The following CD180 variants were observed in gnomAD, a reference collection of about 807,000 sequenced individuals.
CD180 encodes the protein CD180 antigen.
CD180 carries 11 observed loss-of-function variants against 10.7 expected under a neutral mutation model. The ratio of observed to expected loss-of-function variants is 1.03; its 90% CI spans 0.65 to 1.70. CD180 has a LOEUF of 1.70. CD180 is among the 40% of genes most tolerant of loss of function. The pLI is 0.00. For synonymous variants in CD180, 286 were observed against 294.6 expected, an observed-to-expected ratio of 0.97 and a Z score of 0.30; for missense variants, 729 against 775.2, an observed-to-expected ratio of 0.94 and a Z score of 0.71.
Position 67,183,970 on chromosome 5 carries a change from G to A in CD180, c.873C>T (p.Ser291=), listed in dbSNP as rs1319711283. 1 of 1,614,190 alleles carries A rather than the reference G, an allele frequency of 6.2e-7. No individual in the cohort carries two copies. The change falls in exon 3 of 3, where the codon TCC becomes TCT. Residue 291 remains serine (S), a synonymous_variant. Transcript: ENST00000256447. ...GTTGGGTGAAGCACTGAAATGTGGT[G>A]GATGAGATGTCAGAGAAGCGGTGTT... ...LQEHRFSDIS[S]TTFQCFTQLQ... is the part of the protein sequence containing the mutation.
At position 67,181,181 on chromosome 5, in the gene CD180, C is replaced by T. The variant is rs1742041908; in HGVS notation, c.*1676G>A. ...ACAAGACAAGAGAAACTAATTAAAA[C>T]AAATGAAGAAGTTAATTCCAAACAC... On this transcript the variant is annotated 3_prime_UTR_variant, in exon 3 of 3. Transcript: ENST00000256447. 1 of 151,972 alleles carries T rather than the reference C, an allele frequency of 6.6e-6. No homozygotes were observed. 9.4% of individuals were successfully genotyped at this position (151,972 alleles called of 1,614,324 possible).
At chr5:67,193,048 T>C (rs1388359520) in intron 1 of CD180, among the ~76,000 whole-genome samples, 1 of 152,186 alleles carries the variant, frequency 6.6e-6, no homozygotes, top group African/African-American at 2.4e-5. Context: ...TGGGAAAATT[T>C]CTCTCTATGG....
In CD180 at chr5:67,180,221, C is replaced by T. The variant is rs1376162177; in HGVS notation, c.*2636G>A. On this transcript the variant is annotated 3_prime_UTR_variant, in exon 3 of 3. Transcript: ENST00000256447. ...ATTATGCTTTGCTAAGGCCTGGGCC[C>T]CTTTCATTGTTAGTGTGATGTAATT... 1 of 152,196 alleles carries T rather than the reference C, an allele frequency of 6.6e-6. No individual in the cohort carries two copies. The highest frequency in any genetic ancestry group is 1.9e-4 in the East Asian group (1 of 5,200). 9.4% of individuals were successfully genotyped at this position (152,196 alleles called of 1,614,324 possible).
chr5:67,185,366 G>A (rs1742171084), intron 2 of CD180, among the ~76,000 whole-genome samples: 1 of 150,188 alleles, frequency 6.7e-6, no homozygotes, highest in African/African-American at 2.5e-5. Context: ...TTATTTTCTT[G>A]TAATACTTCT....
chr5:67,184,282 G>A lies in CD180; in HGVS notation c.561C>T (p.Tyr187=), dbSNP rs778936675. Residue 187 remains tyrosine (Y), a synonymous_variant, in exon 3 of 3, where the codon TAC becomes TAT. Coordinates refer to ENST00000256447, the MANE Select transcript of CD180 (RefSeq NM_005582.3). ...VLDFQNNAIH[Y]ISREDMRSLE... ...GAGACCTCATGTCTTCTCTAGAGAT[G>A]TAGTGTATAGCATTATTCTGAAAAT... The A allele has an allele frequency of 1.2e-6, 2 of 1,614,132 alleles. No individual in the cohort carries two copies. Among genetic ancestry groups the A allele is most frequent in the Non-Finnish European group, 1.7e-6 (2 of 1,179,978 alleles).
At chr5:67,190,834 A>T in intron 1 of CD180, 1 of 586,586 alleles carries the variant, frequency 1.7e-6, no homozygotes, top group Non-Finnish European at 2.1e-6. Context: ...CTTCTGCTGT[A>T]TATCTAACTC....
intron 1 of CD180, among the ~76,000 whole-genome samples, chr5:67,192,639 A>G (rs368405508): frequency 1.3e-5 from 2 of 152,072 alleles, no homozygotes; most frequent in Admixed American, 1.3e-4. Flanking sequence ...ACCAGATCTC[A>G]GGCTCAGGAG....
In CD180 at chr5:67,182,798, T is replaced by C. The variant is rs2230525; in HGVS notation, c.*59A>G. ...TCTGGTCACCAGCAGATGACAGTTCTTTCACTTAGAGCAATTTTGCTAAGC... is the reference window on the plus strand; with the variant it reads ...TCTGGTCACCAGCAGATGACAGTTCCTTCACTTAGAGCAATTTTGCTAAGC... On this transcript the variant is annotated 3_prime_UTR_variant, in exon 3 of 3. Coordinates refer to ENST00000256447, the MANE Select transcript of CD180 (RefSeq NM_005582.3). 161,505 of 1,425,166 alleles carry C rather than the reference T, an allele frequency of 0.11. 18,055 individuals carry two copies. The highest frequency in any genetic ancestry group is 0.54 in the African/African-American group (38,042 of 69,836). 88.3% of individuals were successfully genotyped at this position (1,425,166 alleles called of 1,614,324 possible).
At position 67,196,785 on chromosome 5, in the gene CD180, A is replaced by G. The variant is rs2151170123; in HGVS notation, c.-144T>C. On this transcript the variant is annotated 5_prime_UTR_variant, in exon 1 of 3. It removes an upstream start codon present in the reference 5' UTR. Coordinates refer to ENST00000256447, the MANE Select transcript of CD180 (RefSeq NM_005582.3). ...CAAGAAATGCTGTTGACTGCTCAGC[A>G]TTCTGTGGCTCTGTGCTGGAAAAAA... The G allele has an allele frequency of 1.7e-6, 1 of 585,826 alleles. No homozygotes were observed. The allele number at this position is 585,826 out of a possible 1,614,324, so 36.3% of individuals were successfully genotyped here. A position where few individuals can be genotyped will look rare whatever the true frequency, so the allele number is the denominator to read the frequency against.
chr5:67,184,032 G>T lies in CD180; in HGVS notation c.811C>A (p.Leu271Ile). 6.2e-7 allele frequency: 1 copy of T among 1,614,080 alleles called. No homozygotes were observed. Reference protein sequence around the residue: ...EDISSAMLKGLCEMSVESLNL... With the variant: ...EDISSAMLKGICEMSVESLNL... ...AGGCTCTCAACAGACATTTCACAGA[G>T]TCCCTTGAGCATGGCTGAACTAATA... The change falls in exon 3 of 3, where the codon CTC becomes ATC. Residue 271 changes from leucine to isoleucine, a missense_variant. Physicochemically the swap from Leu to Ile is conservative, Grantham distance 5 (BLOSUM62 2). Coordinates refer to ENST00000256447, the MANE Select transcript of CD180 (RefSeq NM_005582.3).
chr5:67,192,309 C>A (rs764978667), intron 1 of CD180, among the ~76,000 whole-genome samples: 21 of 151,982 alleles, frequency 1.4e-4, no homozygotes, highest in Non-Finnish European at 3.1e-4. Context: ...ATGGCGTGAA[C>A]CTGGGAGGTG....
At chr5:67,189,186 A>G (rs994610252) in intron 1 of CD180, among the ~76,000 whole-genome samples, 2 of 152,320 alleles carry the variant, frequency 1.3e-5, no homozygotes, top group South Asian at 4.1e-4. Flanking sequence ...AAAAGGCTCA[A>G]TGCTGTCATT....
intron 1 of CD180, among the ~76,000 whole-genome samples, chr5:67,190,392 C>T (rs5744492): frequency 0.026 from 4,009 of 152,334 alleles, 189 homozygotes; most frequent in African/African-American, 0.09. Flanking sequence ...GCCAGGACCA[C>T]GTGCTTCTGT....
intron 1 of CD180, among the ~76,000 whole-genome samples, chr5:67,187,682 C>T (rs1156675520): frequency 2.0e-5 from 3 of 152,116 alleles, no homozygotes; most frequent in Non-Finnish European, 4.4e-5. Flanking sequence ...GTATGAAAGT[C>T]TGATGGAGTA....
At position 67,188,514 on chromosome 5, in the gene CD180, G is replaced by T. The variant is rs142558513; in HGVS notation, c.91-2497C>A. On this transcript the variant is annotated intron_variant, in intron 1 of 2. Transcript: ENST00000256447. ...CCCTGCCTTTCCTTGACACATAGGG[G>T]TTCACCAGAAGCCCCACTGAGACTT... is the stretch of plus-strand genomic sequence containing the variant. Among the ~76,000 whole-genome samples the T allele has an allele frequency of 5.1e-4, 77 of 152,232 alleles. 1 individual carries two copies. The East Asian group carries it at 0.014, about 28-fold the overall frequency.
intron 1 of CD180, among the ~76,000 whole-genome samples, chr5:67,188,760 G>A (rs1742248658): frequency 2.0e-5 from 3 of 152,178 alleles, no homozygotes; most frequent in Non-Finnish European, 4.4e-5. Flanking sequence ...ATGCTCATCT[G>A]CAGAAAGTCA....
chr5:67,188,739 T>G (rs987436561), intron 1 of CD180, among the ~76,000 whole-genome samples: 5 of 149,430 alleles, frequency 3.3e-5, no homozygotes, highest in Admixed American at 1.3e-4. Flanking sequence ...CACTTTCTTG[T>G]AGCCACAGAC....
chr5:67,191,852 G>T (rs1742311550), intron 1 of CD180, among the ~76,000 whole-genome samples: 1 of 152,100 alleles, frequency 6.6e-6, no homozygotes, highest in Non-Finnish European at 1.5e-5. Context: ...GGTAGGTTTG[G>T]ATATTTTTCC....
At chr5:67,185,815 A>G in intron 2 of CD180, 36 bp downstream of exon 2, 1 of 1,479,710 alleles carries the variant, frequency 6.8e-7, no homozygotes, top group Non-Finnish European at 9.1e-7. Context: ...TAACTTAAAT[A>G]AAATAAAAGA....
Sources: allele counts gnomAD v4.1 joint callset (sites outside exome capture counted in the v4.1 genomes callset), GRCh38; gene constraint gnomAD v4.1.1; transcripts MANE v1.5; gene names NCBI Gene and HGNC (gene_info 2026-07-23, HGNC 2026-07-21).